AGBL4: variants seen among roughly 807,000 people sequenced by gnomAD.
The protein encoded by AGBL4 is cytosolic carboxypeptidase 6.
A neutral mutation model predicts 66.4 loss-of-function variants in AGBL4; 58 were observed. The observed-to-expected ratio is 0.87, with a 90% CI of 0.71 to 1.09. AGBL4 has a LOEUF of 1.09. Ranked by LOEUF, AGBL4 falls within the 50% of genes least tolerant of loss-of-function variation. The probability of loss-of-function intolerance (pLI) is 0.00; values close to 1 mark genes in which losing one functional copy is unlikely to be tolerated. For missense variants in AGBL4, 579 were observed against 631.0 expected, an observed-to-expected ratio of 0.92 and a Z score of 0.88; for synonymous variants, 234 against 222.9, an observed-to-expected ratio of 1.05 and a Z score of -0.44.
intron 6 of AGBL4, among the ~76,000 whole-genome samples, chr1:48,715,323 G>A (rs1647031980): frequency 6.6e-6 from 1 of 152,186 alleles, no homozygotes; most frequent in African/African-American, 2.4e-5. Context: ...ATGTCCCTGA[G>A]TGTCCCACAT....
chr1:49,277,476 T>TCC (rs1644190862), intron 3 of AGBL4, among the ~76,000 whole-genome samples: 1 of 152,048 alleles, frequency 6.6e-6, no homozygotes, highest in East Asian at 1.9e-4. Flanking sequence ...TAAACCTGAG[T>TCC]TCAAAACTTG....
chr1:49,879,679 C>T (rs915432286), intron 1 of AGBL4, among the ~76,000 whole-genome samples: 1 of 139,194 alleles, frequency 7.2e-6, no homozygotes, highest in Non-Finnish European at 1.5e-5. Flanking sequence ...ATGGCGTTCT[C>T]TGTATTTCCT....
chr1:49,759,255 G>T (rs1223468955), intron 2 of AGBL4, among the ~76,000 whole-genome samples: 1 of 152,104 alleles, frequency 6.6e-6, no homozygotes, highest in African/African-American at 2.4e-5. Context: ...GATAAAAAAT[G>T]GCTCTTTACC....
At chr1:49,124,440 A>G (rs1432989621) in intron 4 of AGBL4, among the ~76,000 whole-genome samples, 1 of 152,182 alleles carries the variant, frequency 6.6e-6, no homozygotes, top group East Asian at 1.9e-4. Flanking sequence ...CTGCTATTGG[A>G]TAATTAACTC....
intron 1 of AGBL4, among the ~76,000 whole-genome samples, chr1:49,874,305 T>C (rs1037663860): frequency 6.6e-6 from 1 of 151,996 alleles, no homozygotes; most frequent in East Asian, 1.9e-4. Context: ...AGATGAGATA[T>C]AAAAAGTCTA....
chr1:49,428,439 AGAG>A (rs1402255196), intron 3 of AGBL4, among the ~76,000 whole-genome samples: 2 of 152,212 alleles, frequency 1.3e-5, no homozygotes, highest in African/African-American at 4.8e-5. Flanking sequence ...ACGTGAAGGA[AGAG>A]GAGAAAGTGA....
intron 4 of AGBL4, among the ~76,000 whole-genome samples, chr1:49,144,304 A>G (rs1045089440): frequency 3.3e-5 from 5 of 151,930 alleles, no homozygotes; most frequent in Non-Finnish European, 7.4e-5. Context: ...ATGTTGGAGG[A>G]CTCTAGGGTG....
At chr1:49,551,669 G>A (rs1227513152) in intron 3 of AGBL4, among the ~76,000 whole-genome samples, 1 of 152,204 alleles carries the variant, frequency 6.6e-6, no homozygotes, top group East Asian at 1.9e-4. Context: ...TCTCAGCCAT[G>A]GACACCATCA....
At chr1:48,643,216 T>C (rs147850596) in intron 8 of AGBL4, among the ~76,000 whole-genome samples, 37 of 152,288 alleles carry the variant, frequency 2.4e-4, no homozygotes, top group East Asian at 9.7e-4. Context: ...CTGTAAACCA[T>C]ACAAGGGTAG....
chr1:49,758,892 G>A lies in AGBL4; in HGVS notation c.158-61455C>T, dbSNP rs189157597. ...GGAGGGGCCAGAGGCACAATGATATGGTTGGTTCTGTGTCCCCACCCAAAT... is the reference window on the plus strand; with the variant it reads ...GGAGGGGCCAGAGGCACAATGATATAGTTGGTTCTGTGTCCCCACCCAAAT... On this transcript the variant is annotated intron_variant, in intron 2 of 13. Coordinates refer to ENST00000371839, the MANE Select transcript of AGBL4 (RefSeq NM_032785.4). 2.6e-5 allele frequency among the ~76,000 whole-genome samples: 4 copies of A among 152,124 alleles called. No individual in the cohort carries two copies. The East Asian group carries it at 5.8e-4, about 22-fold the overall frequency.
At chr1:49,208,851 T>TA (rs1459549836) in intron 4 of AGBL4, among the ~76,000 whole-genome samples, 1 of 152,076 alleles carries the variant, frequency 6.6e-6, no homozygotes, top group Non-Finnish European at 1.5e-5. Context: ...ATCCAGCTCT[T>TA]ACCGGAACCA....
At chr1:49,352,388 T>G (rs1643928767) in intron 3 of AGBL4, among the ~76,000 whole-genome samples, 3 of 150,104 alleles carry the variant, frequency 2.0e-5, no homozygotes, top group African/African-American at 7.4e-5. Flanking sequence ...TTTTTTTTTT[T>G]TGTGGAAAGG....
chr1:49,620,817 G>A (rs1050126598), intron 3 of AGBL4, among the ~76,000 whole-genome samples: 1 of 151,930 alleles, frequency 6.6e-6, no homozygotes, highest in Non-Finnish European at 1.5e-5. Flanking sequence ...AAGTACACAT[G>A]CTAAGGATAA....
chr1:49,994,333 A>C (rs1191439835), intron 1 of AGBL4: 1 of 151,842 alleles, frequency 6.6e-6, no homozygotes, highest in Non-Finnish European at 1.5e-5. Context: ...ATGCAAAAAA[A>C]AAAAAAAACC....
intron 3 of AGBL4, among the ~76,000 whole-genome samples, chr1:49,591,917 C>T (rs893414450): frequency 2.6e-5 from 4 of 152,102 alleles, no homozygotes; most frequent in Non-Finnish European, 5.9e-5. Context: ...TCCTTCCTTA[C>T]ACCATATACA....
intron 3 of AGBL4, among the ~76,000 whole-genome samples, chr1:49,302,613 ATTTTATT>A (rs1644771464): frequency 1.3e-5 from 1 of 74,086 alleles, no homozygotes; most frequent in African/African-American, 1.2e-4. Flanking sequence ...TTATTTTTTT[ATTTTATT>A]TTATTTTATT....
intron 1 of AGBL4, among the ~76,000 whole-genome samples, chr1:49,983,267 C>G (rs1376875659): frequency 6.6e-6 from 1 of 152,248 alleles, no homozygotes; most frequent in African/African-American, 2.4e-5. Context: ...CTCTTTGGGG[C>G]TCTGCAGTTC....
At chr1:48,642,352 A>C (rs1223460640) in intron 8 of AGBL4, among the ~76,000 whole-genome samples, 1 of 152,114 alleles carries the variant, frequency 6.6e-6, no homozygotes, top group Non-Finnish European at 1.5e-5. Context: ...ACCCTAAGAA[A>C]TTCTTCCTAG....
intron 3 of AGBL4, among the ~76,000 whole-genome samples, chr1:49,597,653 T>C (rs1429385021): frequency 6.6e-6 from 1 of 152,198 alleles, no homozygotes; most frequent in Non-Finnish European, 1.5e-5. Context: ...CCAGCAGCTA[T>C]ACAGAAGGAA....
Sources: gnomAD v4.1 joint callset for allele counts (sites outside exome capture counted in the v4.1 genomes callset) on GRCh38, gnomAD v4.1.1 for gene constraint, MANE v1.5 for transcripts, NCBI Gene and HGNC (gene_info 2026-07-23, HGNC 2026-07-21) for gene names.